MORF4L2: variants seen among roughly 807,000 people sequenced by gnomAD.
MORF4L2 encodes mortality factor 4 like 2.
Under a neutral mutation model 12.0 loss-of-function variants are expected in MORF4L2, and 1 was observed. The ratio of observed to expected loss-of-function variants is 0.08; its 90% confidence interval spans 0.03 to 0.40. MORF4L2 has a LOEUF of 0.40. MORF4L2 is among the 10% of genes least tolerant of loss of function. The probability of loss-of-function intolerance (pLI) is 0.98; values close to 1 mark genes in which losing one functional copy is unlikely to be tolerated. For synonymous variants in MORF4L2, 69 were observed against 81.6 expected (o/e 0.85, Z 0.83); for missense variants, 123 against 214.0 (o/e 0.57, Z 2.65).
At chrX:103,681,882 T>C (rs910348751) in intron 2 of MORF4L2, among the ~76,000 whole-genome samples, 1 of 111,580 alleles carries the variant, frequency 9.0e-6, no homozygotes, top group African/African-American at 3.3e-5. Context: ...TTAGATCTTG[T>C]GGTACCATTT....
chrX:103,676,527 T>C lies in MORF4L2; in HGVS notation c.501A>G (p.Lys167=), dbSNP rs758914694. ...CCTTATTATCAACATTTCCCTGCGA[T>C]TTCTTGCAATTTGCATACTCCTCCA... ...AILEEYANCK[K]SQGNVDNKEY... Residue 167 remains lysine, a synonymous_variant, in exon 4 of 4, where the codon AAA becomes AAG. Coordinates refer to ENST00000441076, the MANE Select transcript of MORF4L2 (RefSeq NM_012286.3). 5.0e-6 allele frequency: 6 copies of C among 1,211,104 alleles called. No homozygotes were observed. In the South Asian group the frequency reaches 1.1e-4, roughly 21 times the overall value.
intron 2 of MORF4L2, among the ~76,000 whole-genome samples, chrX:103,682,772 G>A (rs771229574): frequency 5.4e-5 from 6 of 111,854 alleles, no homozygotes; most frequent in African/African-American, 1.9e-4. Flanking sequence ...TATGACTGTT[G>A]TATGTATATG....
At chrX:103,677,845 T>C (rs186124640) in intron 3 of MORF4L2, among the ~76,000 whole-genome samples, 15 of 111,102 alleles carry the variant, frequency 1.4e-4, no homozygotes, top group African/African-American at 4.6e-4. Context: ...ACACAAGAAA[T>C]GGTACATGAC....
Position 103,676,646 on chromosome X carries a change from C to G in MORF4L2, c.382G>C (p.Glu128Gln). 1 of 1,210,243 alleles carries G rather than the reference C, an allele frequency of 8.3e-7. No individual in the cohort carries two copies. The highest frequency in any genetic ancestry group is 1.1e-6 in the Non-Finnish European group (1 of 895,268). Residue 128 changes from glutamate to glutamine, a missense_variant, in exon 4 of 4, where the codon GAA becomes CAA. By Grantham distance (29) the Glu-to-Gln change is conservative (BLOSUM62 2). Coordinates refer to ENST00000441076, the MANE Select transcript of MORF4L2 (RefSeq NM_012286.3). ...RMEVKVKIPE[E>Q]LKPWLVEDWD... ...TCCTCAACAAGCCATGGTTTTAATTCTTCAGGAATCTTCACTTTAACCTCC... is the reference window on the plus strand; with the variant it reads ...TCCTCAACAAGCCATGGTTTTAATTGTTCAGGAATCTTCACTTTAACCTCC...
chrX:103,678,766 T>G (rs2073906803), intron 2 of MORF4L2, 115 bp from the exon 3 acceptor site: 1 of 112,835 alleles, frequency 8.9e-6, no homozygotes, highest in Non-Finnish European at 1.9e-5. Context: ...GAGAAAATAC[T>G]TGAGTTCTGC....
intron 1 of MORF4L2, among the ~76,000 whole-genome samples, chrX:103,686,334 C>T (rs1322834333): frequency 8.9e-6 from 1 of 111,741 alleles, no homozygotes; most frequent in Admixed American, 9.5e-5. Flanking sequence ...CATTCTATTA[C>T]GCGTATTATT....
rs1298287494 is a variant in MORF4L2 at position 103,675,899 on chromosome X, A to T, written c.*262T>A. ...GATAGGAACCACCAGCATTCAAGCA[A>T]TGTTGTCAACTAGGCAATAAAATGT... is the stretch of plus-strand genomic sequence containing the variant. On this transcript the variant is annotated 3_prime_UTR_variant, in exon 4 of 4. Transcript: ENST00000441076. 1.8e-5 allele frequency: 5 copies of T among 273,366 alleles called. No individual in the cohort carries two copies. Among genetic ancestry groups the T allele is most frequent in the Admixed American group, 1.2e-4 (2 of 16,494 alleles). The allele number at this position is 273,366 out of a possible 1,213,427, so 22.5% of individuals were successfully genotyped here.
chrX:103,686,933 T>G (rs2074125748), upstream of MORF4L2: 1 of 108,702 alleles, frequency 9.2e-6, no homozygotes, highest in South Asian at 4.1e-4. Flanking sequence ...TCTTCCTCCG[T>G]TAGTACGAGT....
chrX:103,681,806 A>G (rs766810078), intron 2 of MORF4L2, among the ~76,000 whole-genome samples: 16 of 111,866 alleles, frequency 1.4e-4, no homozygotes, highest in Non-Finnish European at 2.6e-4. Flanking sequence ...GATTTCTTTT[A>G]TAACTCCTTA....
chrX:103,686,336 C>T (rs2074107893), intron 1 of MORF4L2, among the ~76,000 whole-genome samples: 1 of 111,538 alleles, frequency 9.0e-6, no homozygotes, highest in South Asian at 3.7e-4. Context: ...TTCTATTACG[C>T]GTATTATTTA....
Position 103,676,078 on chromosome X carries a change from G to C in MORF4L2, c.*83C>G. ...CCTGTTATACATTAACGATTTTAAA[G>C]AACATCAATTTTACAAGAAAAAGAC... On this transcript the variant is annotated 3_prime_UTR_variant, in exon 4 of 4. Coordinates refer to ENST00000441076, the MANE Select transcript of MORF4L2 (RefSeq NM_012286.3). The C allele has an allele frequency of 1.0e-6, 1 of 977,452 alleles. No individual in the cohort carries two copies. Among genetic ancestry groups the C allele is most frequent in the Non-Finnish European group, 1.4e-6 (1 of 718,077 alleles). 80.6% of individuals were successfully genotyped at this position (977,452 alleles called of 1,213,427 possible). A position where few individuals can be genotyped will look rare whatever the true frequency, so the allele number is the denominator to read the frequency against.
At chrX:103,681,086 A>G (rs1266884101) in intron 2 of MORF4L2, among the ~76,000 whole-genome samples, 1 of 111,899 alleles carries the variant, frequency 8.9e-6, no homozygotes, top group East Asian at 2.8e-4. Flanking sequence ...TGGTGGGTAT[A>G]TAATTGTGAA....
At chrX:103,679,546 G>A (rs866925819) in intron 2 of MORF4L2, among the ~76,000 whole-genome samples, 3 of 109,453 alleles carry the variant, frequency 2.7e-5, no homozygotes, top group Non-Finnish European at 5.7e-5. Flanking sequence ...AGTACAGGTA[G>A]AGAAATAAGC....
intron 2 of MORF4L2, among the ~76,000 whole-genome samples, chrX:103,679,550 A>T (rs1015278527): frequency 9.1e-6 from 1 of 109,693 alleles, no homozygotes; most frequent in Non-Finnish European, 1.9e-5. Context: ...CAGGTAGAGA[A>T]ATAAGCATTA....
chrX:103,686,706 A>C (rs1206268619), upstream of MORF4L2: 1 of 107,553 alleles, frequency 9.3e-6, no homozygotes, highest in Non-Finnish European at 1.9e-5. Context: ...TAGTAAAGCC[A>C]GGTTTCTCTG....
At chrX:103,678,967 A>G (rs1195054083) in intron 2 of MORF4L2, among the ~76,000 whole-genome samples, 1 of 112,085 alleles carries the variant, frequency 8.9e-6, no homozygotes, top group African/African-American at 3.2e-5. Context: ...TGTTGCGGGA[A>G]TATTTGCACA....
upstream of MORF4L2, among the ~76,000 whole-genome samples, chrX:103,687,653 C>G (rs1162237115): frequency 8.9e-6 from 1 of 112,250 alleles, no homozygotes; most frequent in African/African-American, 3.2e-5. Context: ...GATAAAGGGG[C>G]ACTGTCAGAA....
intron 3 of MORF4L2, 33 bp from the exon 4 acceptor site, chrX:103,677,084 T>G: frequency 9.9e-7 from 1 of 1,014,673 alleles, no homozygotes; most frequent in Non-Finnish European, 1.3e-6. Flanking sequence ...CTTGGTTGTT[T>G]TCTATGGCAA....
chrX:103,683,921 G>T (rs1243153006), intron 2 of MORF4L2, among the ~76,000 whole-genome samples: 1 of 111,005 alleles, frequency 9.0e-6, no homozygotes, highest in Non-Finnish European at 1.9e-5. Flanking sequence ...TCTCTAAATG[G>T]TCTCATGTAA....
Sources: allele counts gnomAD v4.1 joint callset (sites outside exome capture counted in the v4.1 genomes callset), GRCh38; gene constraint gnomAD v4.1.1; transcripts MANE v1.5; gene names NCBI Gene and HGNC (gene_info 2026-07-23, HGNC 2026-07-21).